MDGA1: variants seen among roughly 807,000 people sequenced by gnomAD.
The protein encoded by MDGA1 is MAM domain-containing glycosylphosphatidylinositol anchor protein 1.
Under a neutral mutation model 101.5 loss-of-function variants are expected in MDGA1, and 54 were observed. The ratio of observed to expected loss-of-function variants is 0.53; its 90% confidence interval spans 0.43 to 0.67. The LOEUF is 0.67. MDGA1 is among the 30% of genes least tolerant of loss of function. The pLI is 0.00. For missense variants in MDGA1, 1,083 were observed against 1,323.8 expected (o/e 0.82, Z 2.82); for synonymous variants, 533 against 558.3 (o/e 0.95, Z 0.64).
intron 1 of MDGA1, among the ~76,000 whole-genome samples, chr6:37,691,369 C>T (rs1047163129): frequency 7.2e-5 from 11 of 152,090 alleles, no homozygotes; most frequent in South Asian, 2.1e-4. Flanking sequence ...CCTCTCAGAA[C>T]GTCATGGAAG....
Position 37,652,428 on chromosome 6 carries a change from C to T in MDGA1, c.983-88G>A, listed in dbSNP as rs572794674. On this transcript the variant is annotated intron_variant, in intron 6 of 16. Coordinates refer to ENST00000434837, the MANE Select transcript of MDGA1 (RefSeq NM_153487.4). This position sits in a 1 kb window ranked among gnomAD's most constrained non-coding sequence, Gnocchi z 4.3. Reference sequence around the variant, plus strand: ...ACCCCAACCCAGACCCAGCTTCTCCCCTCTAGCTGGCCCTTCTGGGGATAG... The same window carrying T: ...ACCCCAACCCAGACCCAGCTTCTCCTCTCTAGCTGGCCCTTCTGGGGATAG... 4 of 1,021,188 alleles carry T rather than the reference C, an allele frequency of 3.9e-6. No individual in the cohort carries two copies. Among genetic ancestry groups the T allele is most frequent in the South Asian group, 3.3e-5 (2 of 60,774 alleles). The allele number at this position is 1,021,188 out of a possible 1,614,324, so 63.3% of individuals were successfully genotyped here.
intron 1 of MDGA1, among the ~76,000 whole-genome samples, chr6:37,685,663 G>C (rs1762182075): frequency 6.6e-6 from 1 of 152,156 alleles, no homozygotes; most frequent in African/African-American, 2.4e-5. Context: ...AGCAGAGAGA[G>C]GTACCAACCG....
Position 37,646,274 on chromosome 6 carries a change from G to T in MDGA1, c.2148C>A (p.Ser716Arg). Residue 716 changes from serine (S) to arginine (R), a missense_variant, in exon 11 of 17, where the codon AGC (serine) becomes AGA (arginine). Transcript: ENST00000434837. ...YILTDLRVPH[S>R]YEVRLTPYTT... ...TATAGGGTGTGAGGCGGACCTCATA[G>T]CTGTGGGGCACACGGAGATCGGTCA... The T allele has an allele frequency of 6.2e-7, 1 of 1,606,130 alleles. No homozygotes were observed. The highest frequency in any genetic ancestry group is 8.5e-7 in the Non-Finnish European group (1 of 1,175,978).
rs1296927735 is a variant in MDGA1, at chr6:37,644,491, C to A, written c.2401+6G>T. The A allele has an allele frequency of 2.6e-6, 4 of 1,557,928 alleles. No individual in the cohort carries two copies. The highest frequency in any genetic ancestry group is 2.4e-5 in the South Asian group (2 of 81,766). ...CTCCATTTCTGGCAGCAGGCCAGGT[C>A]CTCACCCTCAGGGGTGCCACTTATG... On this transcript the variant is annotated splice_donor_region_variant and intron_variant, in intron 13 of 16. Coordinates refer to ENST00000434837, the MANE Select transcript of MDGA1 (RefSeq NM_153487.4).
At chr6:37,658,990 G>C (rs201087089) in intron 2 of MDGA1, among the ~76,000 whole-genome samples, 1 of 86,504 alleles carries the variant, frequency 1.2e-5, no homozygotes, top group Non-Finnish European at 2.3e-5. Context: ...AAAAAAAAAA[G>C]ACTGATTTCC....
At chr6:37,665,018 G>A (rs1484772144) in intron 1 of MDGA1, among the ~76,000 whole-genome samples, 4 of 152,100 alleles carry the variant, frequency 2.6e-5, no homozygotes, top group Non-Finnish European at 4.4e-5. Context: ...GGGCCTGGGA[G>A]CTGGCAAAAG....
In MDGA1 at chr6:37,637,027, T is replaced by A; in HGVS notation, c.*341A>T. 4.7e-6 allele frequency: 1 copy of A among 213,548 alleles called. No individual in the cohort carries two copies. Among genetic ancestry groups the A allele is most frequent in the South Asian group, 1.2e-4 (1 of 8,578 alleles). 13.2% of individuals were successfully genotyped at this position (213,548 alleles called of 1,614,324 possible). A position where few individuals can be genotyped will look rare whatever the true frequency, so the allele number is the denominator to read the frequency against. On this transcript the variant is annotated 3_prime_UTR_variant, in exon 17 of 17. Coordinates refer to ENST00000434837, the MANE Select transcript of MDGA1 (RefSeq NM_153487.4). ...AGTGCAGCAAGGACAAGGCCTATGT[T>A]GCGCCGAGGTCCCTGGGTTGGCGGA... is the stretch of plus-strand genomic sequence containing the variant.
intron 14 of MDGA1, chr6:37,641,652 G>A (rs1316549834): frequency 1.3e-5 from 2 of 152,102 alleles, no homozygotes; most frequent in Non-Finnish European, 2.9e-5. Flanking sequence ...GAGTTTTAAG[G>A]GCTAGCTTTA....
At chr6:37,649,977 G>T in intron 8 of MDGA1, 132 bp downstream of exon 8, 1 of 1,020,818 alleles carries the variant, frequency 9.8e-7, no homozygotes. Flanking sequence ...CTGTCAAGGA[G>T]CATTAGGGGT....
intron 13 of MDGA1, 75 bp downstream of exon 13, chr6:37,644,422 C>T (rs540123914): frequency 5.0e-6 from 7 of 1,399,742 alleles, no homozygotes; most frequent in Non-Finnish European, 6.6e-6. Context: ...CCCTTCATCC[C>T]CAGTCTGGGG....
At chr6:37,644,011 C>T (rs1764158398) in intron 13 of MDGA1, 68 bp from the exon 14 acceptor site, 2 of 1,587,742 alleles carry the variant, frequency 1.3e-6, no homozygotes, top group African/African-American at 2.7e-5. Flanking sequence ...CTGATTCCCT[C>T]TCTGCCTAGG....
At chr6:37,648,710 G>A in intron 9 of MDGA1, 1 of 557,298 alleles carries the variant, frequency 1.8e-6, no homozygotes, top group Non-Finnish European at 3.1e-6. Context: ...GGAAGGCGAA[G>A]GCCTCAACCT....
Position 37,655,983 on chromosome 6 carries a change from G to A in MDGA1, c.383-87C>T, listed in dbSNP as rs1466991731. 1 of 1,154,592 alleles carries A rather than the reference G, an allele frequency of 8.7e-7. No homozygotes were observed. Among genetic ancestry groups the A allele is most frequent in the African/African-American group, 1.6e-5 (1 of 64,508 alleles). The allele number at this position is 1,154,592 out of a possible 1,614,324, so 71.5% of individuals were successfully genotyped here. The stretch of plus-strand genomic sequence containing the variant: ...CTCCTGGCAGCCCTTAGGAAGAGCT[G>A]AGCCACCCTCAACAGACATTTCCAG... On this transcript the variant is annotated intron_variant, in intron 3 of 16. Coordinates refer to ENST00000434837, the MANE Select transcript of MDGA1 (RefSeq NM_153487.4). The surrounding 1 kb of genome is among the most constrained non-coding windows in gnomAD (Gnocchi z 5.1).
chr6:37,649,916 C>T (rs1174149805), intron 8 of MDGA1, 193 bp downstream of exon 8: 6 of 741,312 alleles, frequency 8.1e-6, no homozygotes, highest in Non-Finnish European at 1.2e-5. Flanking sequence ...ATGGGAGATA[C>T]TTGATGAAAT....
Position 37,655,039 on chromosome 6 carries a change from C to T in MDGA1, c.580-107G>A. ...CCTACCACAAATGCCTGTCTAATTCCTCTCTTTCCATCCCCAACCCCACCC... is the reference window on the plus strand; with the variant it reads ...CCTACCACAAATGCCTGTCTAATTCTTCTCTTTCCATCCCCAACCCCACCC... On this transcript the variant is annotated intron_variant, in intron 4 of 16. Coordinates refer to ENST00000434837, the MANE Select transcript of MDGA1 (RefSeq NM_153487.4). The surrounding 1 kb of genome is among the most constrained non-coding windows in gnomAD (Gnocchi z 5.1). 1 of 1,387,488 alleles carries T rather than the reference C, an allele frequency of 7.2e-7. No homozygotes were observed. Among genetic ancestry groups the T allele is most frequent in the Non-Finnish European group, 9.7e-7 (1 of 1,027,006 alleles). 85.9% of individuals were successfully genotyped at this position (1,387,488 alleles called of 1,614,324 possible).
At position 37,638,635 on chromosome 6, in the gene MDGA1, T is replaced by A. The variant is rs1763991890; in HGVS notation, c.2569A>T (p.Lys857Ter). 6.2e-7 allele frequency: 1 copy of A among 1,613,742 alleles called. No individual in the cohort carries two copies. Among genetic ancestry groups the A allele is most frequent in the Non-Finnish European group, 8.5e-7 (1 of 1,179,832 alleles). Residue 857 changes from lysine to a stop codon, truncating the protein, a stop_gained, in exon 15 of 17, where the codon AAA becomes TAA. Transcript: ENST00000434837. LOFTEE classifies it high-confidence loss of function. This position sits in a 1 kb window ranked among gnomAD's most constrained non-coding sequence, Gnocchi z 4.8. ...CAGGCGTGCGTGTCCAGAGCCCCTT[T>A]GTTCCGGGACCGCACCAGGAGGTTG... Reference protein sequence around the residue: ...SLNLLVRSRNKGALDTHAWSL... With the variant: ...SLNLLVRSRN
intron 7 of MDGA1, among the ~76,000 whole-genome samples, chr6:37,651,253 C>T (rs926570251): frequency 4.6e-5 from 7 of 152,208 alleles, no homozygotes; most frequent in African/African-American, 1.7e-4. Flanking sequence ...CTTTTATTCA[C>T]GGCAGAACTT....
chr6:37,663,328 T>A (rs1016830488), intron 2 of MDGA1, among the ~76,000 whole-genome samples: 1 of 152,214 alleles, frequency 6.6e-6, no homozygotes, highest in African/African-American at 2.4e-5. Context: ...TCTTTGAACC[T>A]CAAGGGTGTG....
At chr6:37,647,747 G>T (rs1366290698) in intron 9 of MDGA1, among the ~76,000 whole-genome samples, 1 of 151,884 alleles carries the variant, frequency 6.6e-6, no homozygotes, top group African/African-American at 2.4e-5. Context: ...GGAGTGGGGA[G>T]ACAGGGAAAG....
Sources: allele counts gnomAD v4.1 joint callset (sites outside exome capture counted in the v4.1 genomes callset), GRCh38; gene constraint gnomAD v4.1.1; non-coding constraint Gnocchi (gnomAD v3.1); transcripts MANE v1.5; gene names NCBI Gene and HGNC (gene_info 2026-07-23, HGNC 2026-07-21).